The following DNM2 variants were observed in gnomAD, a reference collection of about 807,000 sequenced individuals.
DNM2 encodes the protein dynamin-2.
A neutral mutation model predicts 99.0 loss-of-function variants in DNM2; 15 were observed. That is an observed-to-expected ratio of 0.15 (90% CI 0.10 to 0.23). The LOEUF (loss-of-function observed/expected upper bound fraction) is 0.23. DNM2 is among the 10% of genes least tolerant of loss of function. The pLI is 1.00. For synonymous variants in DNM2, 525 were observed against 481.2 expected, an observed-to-expected ratio of 1.09 and a Z score of -1.19; for missense variants, 742 against 1,189.4, an observed-to-expected ratio of 0.62 and a Z score of 5.53.
intron 18 of DNM2, among the ~76,000 whole-genome samples, chr19:10,827,936 G>T (rs1599636508): frequency 6.6e-6 from 1 of 152,086 alleles, no homozygotes; most frequent in African/African-American, 2.4e-5. Context: ...AAAGGACAAT[G>T]TATAAAATTC....
chr19:10,778,632 A>G (rs1012681647), intron 5 of DNM2, among the ~76,000 whole-genome samples: 2 of 152,096 alleles, frequency 1.3e-5, no homozygotes, highest in Admixed American at 1.3e-4. Context: ...AGCCTGCACA[A>G]CAGAGCAAGA....
At chr19:10,758,798 C>A (rs989837894) in intron 1 of DNM2, among the ~76,000 whole-genome samples, 1 of 152,074 alleles carries the variant, frequency 6.6e-6, no homozygotes, top group African/African-American at 2.4e-5. Context: ...CCGCCCACCT[C>A]GGCCTCCCCA....
intron 1 of DNM2, among the ~76,000 whole-genome samples, chr19:10,757,656 C>G (rs1350220260): frequency 1.3e-5 from 2 of 152,008 alleles, no homozygotes; most frequent in African/African-American, 4.8e-5. Flanking sequence ...TTGAAATTCT[C>G]TGTGTTGGCC....
intron 1 of DNM2, among the ~76,000 whole-genome samples, chr19:10,728,227 G>T (rs1296418416): frequency 6.6e-6 from 1 of 152,208 alleles, no homozygotes; most frequent in East Asian, 1.9e-4. Flanking sequence ...TGTGCCACAT[G>T]TGCAAGATCT....
Position 10,718,473 on chromosome 19 carries a change from C to T in DNM2, c.161+70C>T, listed in dbSNP as rs2068825370. ...CGCGGAGGGCGGACCGGGAATGGCG[C>T]GCCGTGCGCCGCCGGCGTAACTGCG... On this transcript the variant is annotated intron_variant, in intron 1 of 20. Transcript: ENST00000389253. 1.2e-5 allele frequency: 15 copies of T among 1,284,574 alleles called. No homozygotes were observed. The East Asian group carries it at 3.6e-4, about 31-fold the overall frequency. The allele number at this position is 1,284,574 out of a possible 1,614,324, so 79.6% of individuals were successfully genotyped here.
rs1166364742 is a variant in DNM2, at chr19:10,811,617, G to A, written c.1558-647G>A. 2.0e-5 allele frequency: 9 copies of A among 455,734 alleles called. No individual in the cohort carries two copies. The highest frequency in any genetic ancestry group is 1.3e-4 in the East Asian group (2 of 15,016). 28.2% of individuals were successfully genotyped at this position (455,734 alleles called of 1,614,324 possible). On this transcript the variant is annotated intron_variant, in intron 14 of 20. Coordinates refer to ENST00000389253, the MANE Select transcript of DNM2 (RefSeq NM_001005361.3). This position sits in a 1 kb window ranked among gnomAD's most constrained non-coding sequence, Gnocchi z 5.4. ...GGCTCTGCCCACACATGCCTCCAGC[G>A]GCCAGGGAGCATGGGAGCACAGCCC... is the stretch of plus-strand genomic sequence containing the variant.
At chr19:10,783,785 C>T (rs1204702114) in intron 6 of DNM2, among the ~76,000 whole-genome samples, 2 of 151,748 alleles carry the variant, frequency 1.3e-5, no homozygotes. Flanking sequence ...ACTGCAACCT[C>T]CACGTCCCAG....
rs1307771660 is a variant in DNM2 at position 10,718,389 on chromosome 19, G to A, written c.147G>A (p.Glu49=). ...GCGCCGGCAAGAGCTCGGTGCTGGA[G>A]AACTTCGTGGGCCGGTGAGCGGGCG... ...GQSAGKSSVL[E]NFVGRDFLPR... is the part of the protein sequence containing the mutation. The change falls in exon 1 of 21, where the codon GAG becomes GAA. Residue 49 remains glutamate (E), a synonymous_variant. Transcript: ENST00000389253. 2 of 1,492,450 alleles carry A rather than the reference G, an allele frequency of 1.3e-6. No individual in the cohort carries two copies. The highest frequency in any genetic ancestry group is 1.4e-5 in the African/African-American group (1 of 69,340). 92.5% of individuals were successfully genotyped at this position (1,492,450 alleles called of 1,614,324 possible). A position where few individuals can be genotyped will look rare whatever the true frequency, so the allele number is the denominator to read the frequency against.
chr19:10,738,081 CA>C, intron 1 of DNM2, among the ~76,000 whole-genome samples: 1 of 151,956 alleles, frequency 6.6e-6, no homozygotes, highest in East Asian at 1.9e-4. Context: ...GCAGAGGAGA[CA>C]AGCATTAGTC....
At chr19:10,727,810 G>A (rs11671653) in intron 1 of DNM2, among the ~76,000 whole-genome samples, 12,732 of 152,110 alleles carry the variant, frequency 0.084, 564 homozygotes, top group Middle Eastern at 0.11. Context: ...TTGAATGAAA[G>A]TGCTGAAATT....
rs1377345986 is a variant in DNM2 at position 10,812,459 on chromosome 19, C to T, written c.1671+82C>T. ...GGGTGGGCGCTCCCTCTGGGCAGAA[C>T]TCAGTCACTGCGCCACTCTGCCCTG... On this transcript the variant is annotated intron_variant, in intron 15 of 20. Coordinates refer to ENST00000389253, the MANE Select transcript of DNM2 (RefSeq NM_001005361.3). The surrounding 1 kb of genome is among the most constrained non-coding windows in gnomAD (Gnocchi z 4.0). The T allele has an allele frequency of 8.6e-7, 1 of 1,168,564 alleles. No individual in the cohort carries two copies. Among genetic ancestry groups the T allele is most frequent in the Non-Finnish European group, 1.2e-6 (1 of 813,286 alleles). 72.4% of individuals were successfully genotyped at this position (1,168,564 alleles called of 1,614,324 possible).
At chr19:10,740,055 A>G (rs529726070) in intron 1 of DNM2, among the ~76,000 whole-genome samples, 1 of 151,994 alleles carries the variant, frequency 6.6e-6, no homozygotes, top group East Asian at 1.9e-4. Context: ...GGTGTATTTA[A>G]TTTGTTAGAA....
intron 1 of DNM2, among the ~76,000 whole-genome samples, chr19:10,730,245 C>A (rs1280946635): frequency 6.6e-6 from 1 of 152,016 alleles, no homozygotes; most frequent in Non-Finnish European, 1.5e-5. Context: ...TATGGGAGGC[C>A]GAGGCAACAT....
chr19:10,738,870 C>CA (rs1007919897), intron 1 of DNM2, among the ~76,000 whole-genome samples: 3,133 of 66,380 alleles, frequency 0.047, 68 homozygotes, highest in Non-Finnish European at 0.066. Flanking sequence ...AACTCCATCG[C>CA]AAAAAAAAAA....
At chr19:10,728,901 T>C (rs1037509696) in intron 1 of DNM2, among the ~76,000 whole-genome samples, 27 of 150,998 alleles carry the variant, frequency 1.8e-4, no homozygotes, top group Admixed American at 1.2e-3. Context: ...GAGCTATGAT[T>C]GCACCACTGC....
chr19:10,811,488 T>C lies in DNM2; in HGVS notation c.1558-776T>C, dbSNP rs1310964446. On this transcript the variant is annotated intron_variant, in intron 14 of 20. Transcript: ENST00000389253. The surrounding 1 kb of genome is among the most constrained non-coding windows in gnomAD (Gnocchi z 5.4). ...CCATGGCCATGCTCAGCCCACCCTTTGTAGCTTGGCCAAGTCTGTCAGTGC... is the reference window on the plus strand; with the variant it reads ...CCATGGCCATGCTCAGCCCACCCTTCGTAGCTTGGCCAAGTCTGTCAGTGC... The C allele has an allele frequency of 2.8e-6, 1 of 357,468 alleles. No homozygotes were observed. The highest frequency in any genetic ancestry group is 2.1e-5 in the African/African-American group (1 of 46,762). The allele number at this position is 357,468 out of a possible 1,614,324, so 22.1% of individuals were successfully genotyped here.
chr19:10,821,505 C>T (rs1161006693), intron 16 of DNM2, among the ~76,000 whole-genome samples: 1 of 152,070 alleles, frequency 6.6e-6, no homozygotes, highest in Non-Finnish European at 1.5e-5. Flanking sequence ...AGAAGCCGAG[C>T]TCTGCGGTGG....
At chr19:10,756,013 A>T (rs142434385) in intron 1 of DNM2, among the ~76,000 whole-genome samples, 2 of 152,122 alleles carry the variant, frequency 1.3e-5, no homozygotes, top group African/African-American at 4.8e-5. Context: ...CCTGCCCCTC[A>T]GGTCCCTACC....
chr19:10,718,231 G>T lies in DNM2; in HGVS notation c.-12G>T, dbSNP rs1306736885. On this transcript the variant is annotated 5_prime_UTR_variant, in exon 1 of 21. Coordinates refer to ENST00000389253, the MANE Select transcript of DNM2 (RefSeq NM_001005361.3). Reference sequence around the variant, plus strand: ...GGAGCGCAGGGCGCTCGGGCCGGGGGCCGCCGGCGCCATGGGCAACCGCGG... The same window carrying T: ...GGAGCGCAGGGCGCTCGGGCCGGGGTCCGCCGGCGCCATGGGCAACCGCGG... 1 of 1,465,144 alleles carries T rather than the reference G, an allele frequency of 6.8e-7. No individual in the cohort carries two copies. The highest frequency in any genetic ancestry group is 1.3e-5 in the South Asian group (1 of 75,786). The allele number at this position is 1,465,144 out of a possible 1,614,324, so 90.8% of individuals were successfully genotyped here.
Sources: gnomAD v4.1 joint callset for allele counts (sites outside exome capture counted in the v4.1 genomes callset) on GRCh38, gnomAD v4.1.1 for gene constraint, Gnocchi (gnomAD v3.1) non-coding constraint, MANE v1.5 for transcripts, NCBI Gene and HGNC (gene_info 2026-07-23, HGNC 2026-07-21) for gene names.